IQSEC1: variants seen among roughly 807,000 people sequenced by gnomAD.
IQSEC1 encodes the protein IQ motif and SEC7 domain-containing protein 1.
A neutral mutation model predicts 91.0 loss-of-function variants in IQSEC1; 31 were observed. The observed-to-expected ratio is 0.34, with a 90% CI of 0.26 to 0.46. The LOEUF (loss-of-function observed/expected upper bound fraction) is 0.46. Ranked by LOEUF, IQSEC1 falls within the 20% of genes least tolerant of loss-of-function variation. IQSEC1 has a pLI of 1.00. For synonymous variants in IQSEC1, 699 were observed against 662.6 expected (o/e 1.05, Z -0.84); for missense variants, 1,388 against 1,575.6 (o/e 0.88, Z 2.02).
intron 2 of IQSEC1, among the ~76,000 whole-genome samples, chr3:13,130,585 G>C (rs1706595475): frequency 1.3e-5 from 2 of 152,184 alleles, no homozygotes; most frequent in Admixed American, 1.3e-4. Flanking sequence ...TGACAGTGTT[G>C]CTAAAGTCTT....
rs544797894 is a variant in IQSEC1 at position 13,214,696 on chromosome 3, C to T, written c.273-50563G>A. Among the ~76,000 whole-genome samples, 9 of 152,346 alleles carry T rather than the reference C, an allele frequency of 5.9e-5. No individual in the cohort carries two copies. In the South Asian group the frequency reaches 1.2e-3, roughly 21 times the overall value. On this transcript the variant is annotated intron_variant, in intron 1 of 15. Coordinates refer to the IQSEC1 transcript ENST00000648114. The surrounding 1 kb of genome is among the most constrained non-coding windows in gnomAD (Gnocchi z 4.5). ...CCACTGTGGCACACGAGCTGGTGTC[C>T]GGTGGAGCACGGTCTCCAGGGAGCG...
intron 1 of IQSEC1, among the ~76,000 whole-genome samples, chr3:13,173,965 T>G (rs940330822): frequency 6.6e-6 from 1 of 152,190 alleles, no homozygotes; most frequent in Non-Finnish European, 1.5e-5. Context: ...CTGCTGCAGA[T>G]GGTGTCTCAG....
intron 1 of IQSEC1, among the ~76,000 whole-genome samples, chr3:13,003,996 G>A (rs932570619): frequency 6.6e-6 from 1 of 152,170 alleles, no homozygotes; most frequent in African/African-American, 2.4e-5. Context: ...AATGGTACAC[G>A]GGAGAATTTT....
chr3:12,970,577 C>G lies in IQSEC1; in HGVS notation c.24-28712G>C, dbSNP rs375091967. On this transcript the variant is annotated intron_variant, in intron 1 of 13. Coordinates refer to ENST00000613206, the MANE Select transcript of IQSEC1 (RefSeq NM_001134382.3). The surrounding 1 kb of genome is among the most constrained non-coding windows in gnomAD (Gnocchi z 4.4). The stretch of plus-strand genomic sequence containing the variant: ...CCAAGCTGTCAGGATCAAGCCCAGC[C>G]TCCCTGCACAGCCAGCCTCGTGGCC... 3.3e-4 allele frequency among the ~76,000 whole-genome samples: 50 copies of G among 152,324 alleles called. 1 individual carries two copies. In the South Asian group the frequency reaches 0.01, roughly 31 times the overall value.
At chr3:13,136,415 A>C (rs1464749145) in intron 2 of IQSEC1, among the ~76,000 whole-genome samples, 1 of 152,206 alleles carries the variant, frequency 6.6e-6, no homozygotes, top group Non-Finnish European at 1.5e-5. Flanking sequence ...AAAGCTCGCC[A>C]AGCATTAAAC....
rs527713962 is a variant in IQSEC1 at position 13,213,761 on chromosome 3, T to A, written c.273-49628A>T. On this transcript the variant is annotated intron_variant, in intron 1 of 15. Coordinates refer to the IQSEC1 transcript ENST00000648114. The stretch of plus-strand genomic sequence containing the variant: ...CAGGGATATGAGTGGGTCCCAGGGA[T>A]GGGATTGGGAACATCAAGGTAGAAA... 2.8e-3 allele frequency among the ~76,000 whole-genome samples: 421 copies of A among 152,186 alleles called. 1 individual carries two copies. The highest frequency in any genetic ancestry group is 7.9e-3 in the South Asian group (38 of 4,816).
intron 1 of IQSEC1, among the ~76,000 whole-genome samples, chr3:12,993,785 C>G (rs1702102008): frequency 6.6e-6 from 1 of 152,318 alleles, no homozygotes; most frequent in African/African-American, 2.4e-5. Context: ...GCCCCCATTC[C>G]CGTGAGCTTG....
intron 1 of IQSEC1, among the ~76,000 whole-genome samples, chr3:13,057,845 C>A (rs73142862): frequency 4.1e-4 from 62 of 152,340 alleles, no homozygotes; most frequent in Non-Finnish European, 7.6e-4. Flanking sequence ...CCCACTCCCC[C>A]ACCCCATGCC....
chr3:13,090,455 G>A (rs1013508268), intron 2 of IQSEC1, among the ~76,000 whole-genome samples: 21 of 152,190 alleles, frequency 1.4e-4, no homozygotes, highest in African/African-American at 5.1e-4. Context: ...TCAAGGTGCT[G>A]CTCCCCAGTG....
In IQSEC1 at chr3:12,899,905, T is replaced by C; in HGVS notation, c.*1078A>G. On this transcript the variant is annotated 3_prime_UTR_variant, in exon 14 of 14. Coordinates refer to ENST00000613206, the MANE Select transcript of IQSEC1 (RefSeq NM_001134382.3). ...ATGTTGGAGATGAACACTTCTGCCG[T>C]GTATGGGTGCCCCTCTCGGAGGACT... 1.0e-6 allele frequency: 1 copy of C among 985,094 alleles called. No homozygotes were observed. The highest frequency in any genetic ancestry group is 1.2e-6 in the Non-Finnish European group (1 of 829,848). 61.0% of individuals were successfully genotyped at this position (985,094 alleles called of 1,614,324 possible).
At chr3:13,135,365 G>A (rs1294277957) in intron 2 of IQSEC1, among the ~76,000 whole-genome samples, 1 of 152,232 alleles carries the variant, frequency 6.6e-6, no homozygotes, top group Non-Finnish European at 1.5e-5. Context: ...AGCTAGATGG[G>A]GCTGGACTAG....
At chr3:12,944,336 A>G (rs780537729) in intron 1 of IQSEC1, among the ~76,000 whole-genome samples, 55 of 152,232 alleles carry the variant, frequency 3.6e-4, no homozygotes, top group Non-Finnish European at 8.8e-5. Context: ...GACTCGCAAT[A>G]AACACTCACC....
At chr3:13,126,966 G>A (rs1356986178) in intron 2 of IQSEC1, among the ~76,000 whole-genome samples, 1 of 152,042 alleles carries the variant, frequency 6.6e-6, no homozygotes, top group Non-Finnish European at 1.5e-5. Flanking sequence ...GATCCATTTT[G>A]AGTTAAATTT....
intron 1 of IQSEC1, among the ~76,000 whole-genome samples, chr3:13,052,228 G>A (rs1022251622): frequency 6.6e-6 from 1 of 152,098 alleles, no homozygotes; most frequent in Non-Finnish European, 1.5e-5. Flanking sequence ...CCTTATCCCT[G>A]GCAACTGCCT....
At chr3:13,159,600 C>A (rs558849794) in intron 2 of IQSEC1, among the ~76,000 whole-genome samples, 5 of 151,970 alleles carry the variant, frequency 3.3e-5, no homozygotes, top group African/African-American at 1.2e-4. Context: ...CCTAGGCAAG[C>A]TGTTTTGTAC....
chr3:12,928,288 G>C (rs1697340299), intron 3 of IQSEC1, among the ~76,000 whole-genome samples: 2 of 152,220 alleles, frequency 1.3e-5, no homozygotes, highest in Admixed American at 1.3e-4. Flanking sequence ...AGTGAGTCCA[G>C]GATGGCGTCA....
intron 1 of IQSEC1, among the ~76,000 whole-genome samples, chr3:13,028,759 C>A (rs965376486): frequency 6.6e-6 from 1 of 152,192 alleles, no homozygotes; most frequent in African/African-American, 2.4e-5. Flanking sequence ...ATCTTCTATG[C>A]AAGGAAATCA....
intron 2 of IQSEC1, among the ~76,000 whole-genome samples, chr3:13,099,505 G>A (rs546516817): frequency 1.9e-4 from 29 of 152,222 alleles, no homozygotes; most frequent in Non-Finnish European, 3.4e-4. Context: ...GGGTGTCCCC[G>A]GGTGCATCTG....
chr3:13,007,681 AC>A (rs1255490723), intron 1 of IQSEC1, among the ~76,000 whole-genome samples: 1 of 152,140 alleles, frequency 6.6e-6, no homozygotes, highest in African/African-American at 2.4e-5. Flanking sequence ...CACTTGAAAA[AC>A]ATCCCGTTTT....
Sources: allele counts gnomAD v4.1 joint callset (sites outside exome capture counted in the v4.1 genomes callset), GRCh38; gene constraint gnomAD v4.1.1; non-coding constraint Gnocchi (gnomAD v3.1); transcripts MANE v1.5; gene names NCBI Gene and HGNC (gene_info 2026-07-23, HGNC 2026-07-21).